SIRT2: variants seen among roughly 807,000 people sequenced by gnomAD.
The protein encoded by SIRT2 is NAD-dependent protein deacetylase sirtuin-2.
In SIRT2, 40 loss-of-function variants were observed where a neutral mutation model predicts 57.4. That is an observed-to-expected ratio of 0.70 (90% CI 0.54 to 0.91). The LOEUF (loss-of-function observed/expected upper bound fraction) is 0.91, where lower values mean the gene tolerates loss of function less well. SIRT2 is among the 40% of genes least tolerant of loss of function. SIRT2 has a pLI of 0.00. For missense variants in SIRT2, 439 were observed against 510.4 expected (o/e 0.86, Z 1.35); for synonymous variants, 161 against 195.7 (o/e 0.82, Z 1.48).
chr19:38,889,688 C>T lies in SIRT2; in HGVS notation c.432+1G>A, dbSNP rs767401052. The T allele has an allele frequency of 9.9e-6, 16 of 1,613,912 alleles. No individual in the cohort carries two copies. Among genetic ancestry groups the T allele is most frequent in the Admixed American group, 5.0e-5 (3 of 59,986 alleles). The stretch of plus-strand genomic sequence containing the variant: ...CGCCCCCTGCAAAACAAAGATCTCA[C>T]CTTGAACTGCCCAGGATAGAGTTCC... On this transcript the variant is annotated splice_donor_variant, in intron 7 of 15. Coordinates refer to ENST00000249396, the MANE Select transcript of SIRT2 (RefSeq NM_012237.4). LOFTEE classifies it high-confidence loss of function.
Position 38,899,510 on chromosome 19 carries a change from T to G in SIRT2, c.12A>C (p.Pro4=). The change falls in exon 1 of 16, where the codon CCA becomes CCC. Residue 4 remains proline (P), a synonymous_variant. Transcript: ENST00000249396. The part of the protein sequence containing the change: MAE[P]DPSHPLETQA... ...CTACCCGGATCCCCGACTCACGGTC[T>G]GGCTCTGCCATGGGCGCGGTGCTGA... 1 of 1,613,642 alleles carries G rather than the reference T, an allele frequency of 6.2e-7. No homozygotes were observed.
rs200781921 is a variant in SIRT2, at chr19:38,893,532, C to G, written c.113-5G>C. On this transcript the variant is annotated splice_region_variant and splice_polypyrimidine_tract_variant and intron_variant, in intron 3 of 15. Coordinates refer to ENST00000249396, the MANE Select transcript of SIRT2 (RefSeq NM_012237.4). The stretch of plus-strand genomic sequence containing the variant: ...ATAAGTTCCGCAGGAAGTCCACTGA[C>G]CGGAAAGAAGAGAGACAGCGGCAGG... 1.2e-6 allele frequency: 2 copies of G among 1,601,348 alleles called. No homozygotes were observed. The highest frequency in any genetic ancestry group is 1.7e-6 in the Non-Finnish European group (2 of 1,168,980).
chr19:38,884,870 C>T (rs1973276315), intron 8 of SIRT2, among the ~76,000 whole-genome samples: 1 of 151,958 alleles, frequency 6.6e-6, no homozygotes, highest in Non-Finnish European at 1.5e-5. Context: ...CCTCAGCCTC[C>T]ACATCTGGCT....
At chr19:38,891,992 A>C (rs1212191069) in intron 4 of SIRT2, 1 of 458,272 alleles carries the variant, frequency 2.2e-6, no homozygotes. Context: ...ACAGGAGAAG[A>C]TGTCCTCAAC....
intron 8 of SIRT2, among the ~76,000 whole-genome samples, chr19:38,884,536 A>ACTCCCAGGTTCAAGAGATTTTCCTGC (rs1973265804): frequency 6.6e-6 from 1 of 151,514 alleles, no homozygotes; most frequent in Non-Finnish European, 1.5e-5. Flanking sequence ...GCAACCTCTG[A>ACTCCCAGGTTCAAGAGATTTTCCTGC]CTCCCAGGTT....
Position 38,879,072 on chromosome 19 carries a change from A to G in SIRT2, c.*83T>C, listed in dbSNP as rs200789955. Reference sequence around the variant, plus strand: ...GATGTTCTGAGCTCCCCAGACAAGAACTGCTGGTTAAGAGGGGGCCAGGCC... The same window carrying G: ...GATGTTCTGAGCTCCCCAGACAAGAGCTGCTGGTTAAGAGGGGGCCAGGCC... On this transcript the variant is annotated 3_prime_UTR_variant, in exon 16 of 16. Transcript: ENST00000249396. The G allele has an allele frequency of 9.2e-6, 13 of 1,411,076 alleles. No homozygotes were observed. The highest frequency in any genetic ancestry group is 4.9e-5 in the Admixed American group (2 of 40,978). The allele number at this position is 1,411,076 out of a possible 1,614,324, so 87.4% of individuals were successfully genotyped here.
intron 1 of SIRT2, 64 bp downstream of exon 1, chr19:38,899,442 G>A: frequency 6.3e-7 from 1 of 1,596,178 alleles, no homozygotes; most frequent in Non-Finnish European, 8.6e-7. Context: ...TTGGGCCCCG[G>A]GGCCTGCAGC....
At position 38,879,245 on chromosome 19, in the gene SIRT2, G is replaced by A. The variant is rs771184841; in HGVS notation, c.1080C>T (p.Val360=). 6.2e-7 allele frequency: 1 copy of A among 1,604,204 alleles called. No homozygotes were observed. The highest frequency in any genetic ancestry group is 8.5e-7 in the Non-Finnish European group (1 of 1,177,266). The change falls in exon 16 of 16, where the codon GTC becomes GTT. Residue 360 remains valine (V), a synonymous_variant. Coordinates refer to ENST00000249396, the MANE Select transcript of SIRT2 (RefSeq NM_012237.4). The stretch of plus-strand genomic sequence containing the variant: ...GGGAAGCTGAAGTGCTGGGGTTGGG[G>A]ACCCCCGCCCCCGACTGGGCATCTA... ...ASIDAQSGAG[V]PNPSTSASPK... is the part of the protein sequence containing the mutation.
At chr19:38,889,063 C>T (rs1241479343) in intron 8 of SIRT2, 24 bp downstream of exon 8, 2 of 1,606,790 alleles carry the variant, frequency 1.2e-6, no homozygotes, top group Admixed American at 3.3e-5. Context: ...CCATCCTCCT[C>T]CCAGGATGCT....
At position 38,880,200 on chromosome 19, in the gene SIRT2, C is replaced by T. The variant is rs180700776; in HGVS notation, c.876+485G>A. 40 of 178,178 alleles carry T rather than the reference C, an allele frequency of 2.2e-4. No individual in the cohort carries two copies. Among genetic ancestry groups the T allele is most frequent in the East Asian group, 1.2e-3 (8 of 6,446 alleles). The allele number at this position is 178,178 out of a possible 1,614,324, so 11.0% of individuals were successfully genotyped here. On this transcript the variant is annotated intron_variant, in intron 13 of 15. Coordinates refer to ENST00000249396, the MANE Select transcript of SIRT2 (RefSeq NM_012237.4). This position sits in a 1 kb window ranked among gnomAD's most constrained non-coding sequence, Gnocchi z 4.1. Reference sequence around the variant, plus strand: ...TGTAGAATAGGGGTGATCACAAAACCGCGATGGGGTTGTGGCGCCAGTGAG... The same window carrying T: ...TGTAGAATAGGGGTGATCACAAAACTGCGATGGGGTTGTGGCGCCAGTGAG...
rs560367949 is a variant in SIRT2 at position 38,884,456 on chromosome 19, G to T, written c.502-700C>A. ...GTGTGGTTTGTTTGTTTGTTTGTTT[G>T]TTTGTTTTTTGAGATGGAGTCTTGC... On this transcript the variant is annotated intron_variant, in intron 8 of 15. Coordinates refer to ENST00000249396, the MANE Select transcript of SIRT2 (RefSeq NM_012237.4). Among the ~76,000 whole-genome samples, 575 of 150,570 alleles carry T rather than the reference G, an allele frequency of 3.8e-3. 2 individuals are homozygous for T. The highest frequency in any genetic ancestry group is 0.014 in the African/African-American group (551 of 40,698).
chr19:38,886,697 C>T (rs1973352539), intron 8 of SIRT2, among the ~76,000 whole-genome samples: 1 of 150,360 alleles, frequency 6.7e-6, no homozygotes, highest in South Asian at 2.1e-4. Context: ...TCTTGGCTCA[C>T]TGCAACCTCT....
chr19:38,885,684 A>G (rs868591229), intron 8 of SIRT2, among the ~76,000 whole-genome samples: 5 of 146,436 alleles, frequency 3.4e-5, no homozygotes, highest in African/African-American at 7.6e-5. Context: ...TCCGCCTCCC[A>G]GGTTCAAGTG....
At chr19:38,889,995 T>A in intron 5 of SIRT2, 34 bp from the exon 6 acceptor site, 1 of 1,610,164 alleles carries the variant, frequency 6.2e-7, no homozygotes, top group South Asian at 1.1e-5. Flanking sequence ...AGTTGGTCTA[T>A]ACCATACTAA....
At chr19:38,890,847 T>C (rs1600122129) in intron 4 of SIRT2, among the ~76,000 whole-genome samples, 1 of 152,246 alleles carries the variant, frequency 6.6e-6, no homozygotes, top group African/African-American at 2.4e-5. Context: ...CCCTGGCATC[T>C]GCCCATCAGC....
At chr19:38,894,761 G>C (rs551071446) in intron 2 of SIRT2, 30 of 455,674 alleles carry the variant, frequency 6.6e-5, no homozygotes, top group African/African-American at 5.6e-4. Flanking sequence ...CCTCAGCCCA[G>C]CTCCAGACTG....
Position 38,881,454 on chromosome 19 carries a change from G to C in SIRT2, c.669C>G (p.Asp223Glu), listed in dbSNP as rs1298302687. ...IFSEVTPKCE[D>E]CQSLVKPDIV... ...CACCAGGCTTCACCAGGCTCTGACA[G>C]TCTTCACACTTGGGCGTCACCTCAG... The change falls in exon 10 of 16, where the codon GAC becomes GAG. Residue 223 changes from aspartate to glutamate, a missense_variant. Asp to Glu is a conservative substitution (Grantham distance 45). Transcript: ENST00000249396. The C allele has an allele frequency of 2.5e-6, 4 of 1,614,104 alleles. No individual in the cohort carries two copies. Among genetic ancestry groups the C allele is most frequent in the Non-Finnish European group, 3.4e-6 (4 of 1,180,010 alleles).
At chr19:38,894,969 A>G (rs986894383) in intron 2 of SIRT2, 1 of 454,398 alleles carries the variant, frequency 2.2e-6, no homozygotes, top group African/African-American at 2.0e-5. Flanking sequence ...TATGTCCCAA[A>G]TGGACCCTGG....
At chr19:38,896,290 TA>T (rs1368541488) in intron 2 of SIRT2, among the ~76,000 whole-genome samples, 5 of 152,358 alleles carry the variant, frequency 3.3e-5, no homozygotes, top group African/African-American at 1.2e-4. Context: ...TTTCTCTGCA[TA>T]AAACTAATAT....
Sources: allele counts gnomAD v4.1 joint callset (sites outside exome capture counted in the v4.1 genomes callset), GRCh38; gene constraint gnomAD v4.1.1; non-coding constraint Gnocchi (gnomAD v3.1); transcripts MANE v1.5; gene names NCBI Gene and HGNC (gene_info 2026-07-23, HGNC 2026-07-21).